Variants in ARHGAP20 observed in about 807,000 individuals in gnomAD.
ARHGAP20 encodes rho GTPase-activating protein 20.
ARHGAP20 carries 34 observed loss-of-function variants against 73.7 expected under a neutral mutation model. That is an observed-to-expected ratio of 0.46 (90% CI 0.35 to 0.61). The LOEUF (loss-of-function observed/expected upper bound fraction) is 0.61. Among genes scored for constraint, ARHGAP20 ranks in the 20% least tolerant of loss-of-function variants. The probability of loss-of-function intolerance (pLI) is 0.00; values close to 1 mark genes in which losing one functional copy is unlikely to be tolerated. For synonymous variants in ARHGAP20, 523 were observed against 518.2 expected, an observed-to-expected ratio of 1.01 and a Z score of -0.13; for missense variants, 1,314 against 1,420.9, an observed-to-expected ratio of 0.92 and a Z score of 1.21.
chr11:110,682,467 CAG>C (rs1222590604), intron 2 of ARHGAP20, among the ~76,000 whole-genome samples: 1 of 152,156 alleles, frequency 6.6e-6, no homozygotes, highest in Non-Finnish European at 1.5e-5. Context: ...AATTTGGTTT[CAG>C]AGTCTATGCA....
At chr11:110,701,068 A>C (rs933728328) in intron 1 of ARHGAP20, among the ~76,000 whole-genome samples, 1 of 151,706 alleles carries the variant, frequency 6.6e-6, no homozygotes, top group Non-Finnish European at 1.5e-5. Flanking sequence ...ATGTGTCTTT[A>C]TAGCAGCATG....
chr11:110,630,830 C>T, intron 2 of ARHGAP20, 38 bp from the exon 3 acceptor site: 1 of 1,597,740 alleles, frequency 6.3e-7, no homozygotes, highest in Non-Finnish European at 8.5e-7. Flanking sequence ...GTCAAACGAT[C>T]ATCTTATAGT....
rs760458482 is a variant in ARHGAP20, at chr11:110,580,975, G to A, written c.1971C>T (p.Ser657=). The change falls in exon 15 of 15, where the codon TCC becomes TCT. Residue 657 remains serine, a synonymous_variant. Coordinates refer to ENST00000683387, the MANE Select transcript of ARHGAP20 (RefSeq NM_001384657.1). The part of the protein sequence containing the change: ...EDVQMKRPLE[S]KPVNILVYTK... ...TGTACACTAAAATGTTCACCGGCTT[G>A]GATTCAAGAGGCCGTTTCATTTGAA... 2.5e-6 allele frequency: 4 copies of A among 1,614,182 alleles called. No homozygotes were observed. In the East Asian group the frequency reaches 8.9e-5, roughly 36 times the overall value.
chr11:110,666,399 T>C (rs1034654830), intron 2 of ARHGAP20, among the ~76,000 whole-genome samples: 7 of 152,094 alleles, frequency 4.6e-5, no homozygotes, highest in Admixed American at 4.6e-4. Context: ...AATAGCCAAA[T>C]TTGAAAAATG....
intron 2 of ARHGAP20, among the ~76,000 whole-genome samples, chr11:110,674,253 G>A (rs2135075926): frequency 6.6e-6 from 1 of 152,190 alleles, no homozygotes; most frequent in Middle Eastern, 3.4e-3. Context: ...AAATCTCTAA[G>A]ATTAAATATC....
chr11:110,582,384 C>T lies in ARHGAP20; in HGVS notation c.1657G>A (p.Glu553Lys), dbSNP rs1475187573. ...TCTCTGAAGAGGGAAGTGATTTCTT[C>T]TCCAAATATCCTAAGGCAATTCTCA... Reference protein sequence around the residue: ...LIENCLRIFGEEITSLFREVS... With the variant: ...LIENCLRIFGKEITSLFREVS... The change falls in exon 14 of 15, where the codon GAA becomes AAA. Residue 553 changes from glutamate to lysine, a missense_variant. By Grantham distance (56) the Glu-to-Lys change is moderately conservative. Transcript: ENST00000683387. 2.5e-6 allele frequency: 4 copies of T among 1,614,004 alleles called. No individual in the cohort carries two copies. Among genetic ancestry groups the T allele is most frequent in the Non-Finnish European group, 3.4e-6 (4 of 1,179,878 alleles).
intron 2 of ARHGAP20, among the ~76,000 whole-genome samples, chr11:110,679,883 C>T (rs1950005226): frequency 6.6e-6 from 1 of 152,134 alleles, no homozygotes; most frequent in African/African-American, 2.4e-5. Context: ...ATTCAATATA[C>T]ATTAAACAGC....
intron 4 of ARHGAP20, 31 bp downstream of exon 4, chr11:110,624,131 A>G (rs1307110122): frequency 6.3e-7 from 1 of 1,597,542 alleles, no homozygotes; most frequent in Non-Finnish European, 8.5e-7. Context: ...TAGCTAACCC[A>G]GGTAAATAGA....
In ARHGAP20 at chr11:110,581,153, G is replaced by A. The variant is rs1947456449; in HGVS notation, c.1793C>T (p.Ala598Val). 5.0e-6 allele frequency: 8 copies of A among 1,614,176 alleles called. No homozygotes were observed. Among genetic ancestry groups the A allele is most frequent in the Non-Finnish European group, 6.8e-6 (8 of 1,180,014 alleles). Reference protein sequence around the residue: ...LENELNEDVDAPCSDLVKKLG... With the variant: ...LENELNEDVDVPCSDLVKKLG... ...TTTCTTTACCAAGTCACTGCATGGT[G>A]CATCAACATCCTCATTTAGCTCATT... The change falls in exon 15 of 15, where the codon GCA becomes GTA. Residue 598 changes from alanine (A) to valine (V), a missense_variant. Coordinates refer to ENST00000683387, the MANE Select transcript of ARHGAP20 (RefSeq NM_001384657.1).
chr11:110,660,338 T>C (rs1949581148), intron 2 of ARHGAP20, among the ~76,000 whole-genome samples: 1 of 151,910 alleles, frequency 6.6e-6, no homozygotes, highest in African/African-American at 2.4e-5. Flanking sequence ...AAAGGGTGAG[T>C]CAAGAGACCA....
At chr11:110,605,898 C>T (rs913060867) in intron 9 of ARHGAP20, among the ~76,000 whole-genome samples, 2 of 151,832 alleles carry the variant, frequency 1.3e-5, no homozygotes, top group Admixed American at 1.3e-4. Flanking sequence ...TTTCTACTAT[C>T]TCACTCATAC....
intron 2 of ARHGAP20, among the ~76,000 whole-genome samples, chr11:110,653,274 A>T (rs1949395820): frequency 6.6e-6 from 1 of 152,206 alleles, no homozygotes; most frequent in Admixed American, 6.5e-5. Context: ...CCATAATCAG[A>T]GTGAACAGAC....
intron 2 of ARHGAP20, among the ~76,000 whole-genome samples, chr11:110,664,956 A>G (rs968227929): frequency 1.3e-5 from 2 of 152,132 alleles, no homozygotes; most frequent in African/African-American, 4.8e-5. Flanking sequence ...CGATCTATAG[A>G]TTCAGTGCAA....
chr11:110,642,651 A>T (rs1286151552), intron 2 of ARHGAP20, among the ~76,000 whole-genome samples: 1 of 151,922 alleles, frequency 6.6e-6, no homozygotes, highest in African/African-American at 2.4e-5. Context: ...GGTTGTGGTG[A>T]ATTAACTTTT....
intron 11 of ARHGAP20, among the ~76,000 whole-genome samples, chr11:110,590,266 A>G (rs1317816674): frequency 6.6e-6 from 1 of 152,146 alleles, no homozygotes; most frequent in Non-Finnish European, 1.5e-5. Flanking sequence ...TAATGTTTAT[A>G]TTTGAAAACT....
chr11:110,665,005 AAC>A (rs1292146545), intron 2 of ARHGAP20, among the ~76,000 whole-genome samples: 1 of 152,174 alleles, frequency 6.6e-6, no homozygotes, highest in Non-Finnish European at 1.5e-5. Context: ...GCAGAAATCA[AAC>A]AGAGTATGTT....
At chr11:110,690,962 C>T (rs1034447669) in intron 1 of ARHGAP20, 1 of 1,492,004 alleles carries the variant, frequency 6.7e-7, no homozygotes, top group African/African-American at 1.4e-5. Flanking sequence ...AAAGGCTGGA[C>T]ATGGATTACC....
chr11:110,640,359 C>G (rs543162760), intron 2 of ARHGAP20, among the ~76,000 whole-genome samples: 2 of 152,006 alleles, frequency 1.3e-5, no homozygotes, highest in African/African-American at 2.4e-5. Context: ...CTGTTTTACC[C>G]TACCTGGTTC....
intron 2 of ARHGAP20, among the ~76,000 whole-genome samples, chr11:110,667,527 G>A (rs1949748750): frequency 6.6e-6 from 1 of 152,198 alleles, no homozygotes; most frequent in South Asian, 2.1e-4. Context: ...TGATGGAAAT[G>A]TACAAGGAGA....
Sources: allele counts gnomAD v4.1 joint callset (sites outside exome capture counted in the v4.1 genomes callset), GRCh38; gene constraint gnomAD v4.1.1; transcripts MANE v1.5; gene names NCBI Gene and HGNC (gene_info 2026-07-23, HGNC 2026-07-21).